The following NR3C1 variants were observed in gnomAD, a reference collection of about 807,000 sequenced individuals.
NR3C1 encodes the protein nuclear receptor subfamily 3 group C member 1, also known as glucocorticoid receptor.
NR3C1 carries 14 observed loss-of-function variants against 74.0 expected under a neutral mutation model. That is an observed-to-expected ratio of 0.19 (90% CI 0.12 to 0.30). The LOEUF (loss-of-function observed/expected upper bound fraction) is 0.30, where lower values mean the gene tolerates loss of function less well. Ranked by LOEUF, NR3C1 falls within the 10% of genes least tolerant of loss-of-function variation. NR3C1 has a pLI of 1.00. For missense variants in NR3C1, 695 were observed against 909.8 expected (o/e 0.76, Z 3.04); for synonymous variants, 308 against 332.5 (o/e 0.93, Z 0.80).
At chr5:143,368,037 A>G (rs1042701076) in intron 2 of NR3C1, among the ~76,000 whole-genome samples, 2 of 152,244 alleles carry the variant, frequency 1.3e-5, no homozygotes, top group Non-Finnish European at 2.9e-5. Flanking sequence ...TGGTACTGGC[A>G]TAAGATTAGA....
At chr5:143,421,573 C>T (rs1751235339) in intron 1 of NR3C1, among the ~76,000 whole-genome samples, 2 of 151,958 alleles carry the variant, frequency 1.3e-5, no homozygotes, top group South Asian at 2.1e-4. Flanking sequence ...GTAATCCCAG[C>T]ACTTTGTGAG....
intron 6 of NR3C1, among the ~76,000 whole-genome samples, chr5:143,296,403 G>T (rs1817209883): frequency 6.6e-6 from 1 of 151,758 alleles, no homozygotes. Context: ...TGACTTATAT[G>T]CTGCCAAAGT....
chr5:143,284,977 CG>C (rs1814032301), intron 7 of NR3C1, among the ~76,000 whole-genome samples: 1 of 150,590 alleles, frequency 6.6e-6, no homozygotes, highest in South Asian at 2.1e-4. Context: ...CTACTGGAAA[CG>C]AAGGAGGTAC....
At position 143,400,616 on chromosome 5, in the gene NR3C1, T is replaced by C. The variant is rs1840088122; in HGVS notation, c.224A>G (p.Gln75Arg). Reference protein sequence around the residue: ...FPKGSVSNAQQPDLSKAVSLS... With the variant: ...FPKGSVSNAQRPDLSKAVSLS... ...TGAAACTGCTTTGGACAGATCTGGCTGCTGCGCATTGCTTACTGAGCCTTT... is the reference window on the plus strand; with the variant it reads ...TGAAACTGCTTTGGACAGATCTGGCCGCTGCGCATTGCTTACTGAGCCTTT... Residue 75 changes from glutamine (Q) to arginine (R), a missense_variant, in exon 2 of 9, where the codon CAG becomes CGG. By Grantham distance (43) the Gln-to-Arg change is conservative. Coordinates refer to ENST00000394464, the MANE Select transcript of NR3C1 (RefSeq NM_000176.3). 2.5e-6 allele frequency: 4 copies of C among 1,614,138 alleles called. No individual in the cohort carries two copies. Among genetic ancestry groups the C allele is most frequent in the Non-Finnish European group, 2.5e-6 (3 of 1,180,046 alleles).
At chr5:143,429,248 G>A (rs1751690689) in intron 1 of NR3C1, among the ~76,000 whole-genome samples, 1 of 152,132 alleles carries the variant, frequency 6.6e-6, no homozygotes, top group South Asian at 2.1e-4. Context: ...AACTTGCCCA[G>A]GTTACACAAT....
chr5:143,346,544 A>G (rs1288013137), intron 2 of NR3C1, among the ~76,000 whole-genome samples: 1 of 152,200 alleles, frequency 6.6e-6, no homozygotes, highest in Admixed American at 6.5e-5. Context: ...AGGAAATTAG[A>G]CTTTTGTGTT....
intron 2 of NR3C1, among the ~76,000 whole-genome samples, chr5:143,387,133 G>T (rs1400438369): frequency 6.6e-6 from 1 of 152,208 alleles, no homozygotes; most frequent in African/African-American, 2.4e-5. Context: ...TTTTCCTGTT[G>T]TGTTGGCTTC....
chr5:143,289,445 G>A (rs1323797426), intron 7 of NR3C1, among the ~76,000 whole-genome samples: 1 of 152,164 alleles, frequency 6.6e-6, no homozygotes, highest in Non-Finnish European at 1.5e-5. Flanking sequence ...TTAAGCATGT[G>A]AGCTGAAACT....
chr5:143,331,613 G>A (rs989337818), intron 2 of NR3C1, among the ~76,000 whole-genome samples: 4 of 152,182 alleles, frequency 2.6e-5, no homozygotes, highest in African/African-American at 9.7e-5. Context: ...TAAAAAGAAT[G>A]AAATCATGTC....
intron 2 of NR3C1, chr5:143,332,668 A>G (rs1826228279): frequency 3.8e-6 from 6 of 1,584,232 alleles, no homozygotes; most frequent in Non-Finnish European, 5.1e-6. Context: ...TCATTCCTAC[A>G]TGATTCCTGG....
chr5:143,386,855 C>T (rs1251739312), intron 2 of NR3C1, among the ~76,000 whole-genome samples: 3 of 152,186 alleles, frequency 2.0e-5, no homozygotes, highest in Non-Finnish European at 4.4e-5. Context: ...CCCAAATCCT[C>T]CAAAGGTTAT....
At chr5:143,417,933 T>C (rs1209655109) in intron 1 of NR3C1, among the ~76,000 whole-genome samples, 1 of 152,146 alleles carries the variant, frequency 6.6e-6, no homozygotes, top group Non-Finnish European at 1.5e-5. Flanking sequence ...AAGAGAACCA[T>C]AGGTTTTCCA....
intron 1 of NR3C1, among the ~76,000 whole-genome samples, chr5:143,422,410 C>T (rs542528394): frequency 1.7e-4 from 26 of 152,268 alleles, no homozygotes; most frequent in Non-Finnish European, 2.8e-4. Context: ...CTCTGTTTCT[C>T]ACTGTTCTTA....
intron 2 of NR3C1, chr5:143,375,681 AAAGT>A (rs1208021214): frequency 6.6e-6 from 1 of 152,268 alleles, no homozygotes; most frequent in African/African-American, 2.4e-5. Context: ...AAAAATATGA[AAAGT>A]AACCAAAAGA....
chr5:143,395,379 T>G (rs1470955598), intron 2 of NR3C1, among the ~76,000 whole-genome samples: 3 of 151,928 alleles, frequency 2.0e-5, no homozygotes, highest in Non-Finnish European at 3.0e-5. Context: ...ATGGATTTTT[T>G]TTTGTAGTTA....
chr5:143,309,922 C>T (rs1401224659), intron 4 of NR3C1, among the ~76,000 whole-genome samples, 175 bp downstream of exon 4: 1 of 152,088 alleles, frequency 6.6e-6, no homozygotes, highest in Non-Finnish European at 1.5e-5. Context: ...AACAATATGA[C>T]ATATTCATGA....
rs546101753 is a variant in NR3C1 at position 143,295,945 on chromosome 5, C to T, written c.1893-355G>A. Among the ~76,000 whole-genome samples, 11 of 152,162 alleles carry T rather than the reference C, an allele frequency of 7.2e-5. No homozygotes were observed. The South Asian group carries it at 1.0e-3, about 14-fold the overall frequency. Reference sequence around the variant, plus strand: ...TATCATTTGAATACGGTCAATTAGACGACAGTTTTAGGTCCTACACACTTG... The same window carrying T: ...TATCATTTGAATACGGTCAATTAGATGACAGTTTTAGGTCCTACACACTTG... On this transcript the variant is annotated intron_variant, in intron 6 of 8. Coordinates refer to ENST00000394464, the MANE Select transcript of NR3C1 (RefSeq NM_000176.3).
At chr5:143,284,816 A>G (rs1010792511) in intron 7 of NR3C1, among the ~76,000 whole-genome samples, 7 of 152,184 alleles carry the variant, frequency 4.6e-5, no homozygotes, top group Admixed American at 1.3e-4. Context: ...GCCCAGGAGT[A>G]AGAAATCTTA....
At position 143,400,400 on chromosome 5, in the gene NR3C1, A is replaced by C; in HGVS notation, c.440T>G (p.Val147Gly). The C allele has an allele frequency of 1.9e-6, 3 of 1,614,216 alleles. 1 individual carries two copies. Among genetic ancestry groups the C allele is most frequent in the Non-Finnish European group, 2.5e-6 (3 of 1,180,030 alleles). Reference protein sequence around the residue: ...ENPKSSASTAVSAAPTEKEFP... With the variant: ...ENPKSSASTAGSAAPTEKEFP... ...CTCCTTCTCTGTGGGGGCAGCAGAC[A>C]CAGCAGTGGATGCTGAACTCTTGGG... The change falls in exon 2 of 9, where the codon GTG becomes GGG. Residue 147 changes from valine (V) to glycine (G), a missense_variant. By Grantham distance (109) the Val-to-Gly change is moderately radical (BLOSUM62 -3). This residue lies in a region of NR3C1 where 497 missense variants were observed against 489.5 expected (regional missense o/e 1.02). Transcript: ENST00000394464.
Sources: allele counts gnomAD v4.1 joint callset (sites outside exome capture counted in the v4.1 genomes callset), GRCh38; gene constraint gnomAD v4.1.1; regional missense constraint gnomAD v4.1.1; transcripts MANE v1.5; gene names NCBI Gene and HGNC (gene_info 2026-07-23, HGNC 2026-07-21).